Variants in THRB observed in about 807,000 individuals in gnomAD.
The protein encoded by THRB is nuclear receptor subfamily 1 group A member 2.
Under a neutral mutation model 47.8 loss-of-function variants are expected in THRB, and 12 were observed. The observed-to-expected ratio is 0.25, with a 90% CI of 0.16 to 0.41. THRB has a LOEUF of 0.41. Among genes scored for constraint, THRB ranks in the 10% least tolerant of loss-of-function variants. The probability of loss-of-function intolerance (pLI) is 1.00; values close to 1 mark genes in which losing one functional copy is unlikely to be tolerated. For synonymous variants in THRB, 218 were observed against 212.2 expected (o/e 1.03, Z -0.24); for missense variants, 348 against 589.2 (o/e 0.59, Z 4.24).
chr3:24,328,331 A>G (rs1255730825), intron 2 of THRB, among the ~76,000 whole-genome samples: 1 of 152,238 alleles, frequency 6.6e-6, no homozygotes, highest in Non-Finnish European at 1.5e-5. Flanking sequence ...ATATATAAAT[A>G]CAAGTGATTA....
chr3:24,383,299 C>T (rs1443501884), intron 1 of THRB, among the ~76,000 whole-genome samples: 4 of 152,118 alleles, frequency 2.6e-5, no homozygotes, highest in Non-Finnish European at 5.9e-5. Context: ...GTCCATCCCT[C>T]ATCCATTCAT....
intron 2 of THRB, among the ~76,000 whole-genome samples, chr3:24,302,677 C>A (rs1012997908): frequency 6.6e-6 from 1 of 152,214 alleles, no homozygotes; most frequent in African/African-American, 2.4e-5. Context: ...TGCCTGCCAT[C>A]CAGTCCATCG....
intron 2 of THRB, among the ~76,000 whole-genome samples, chr3:24,327,624 G>A (rs1334290587): frequency 2.6e-5 from 4 of 152,144 alleles, no homozygotes; most frequent in Non-Finnish European, 5.9e-5. Flanking sequence ...TATTCTCAAG[G>A]AGCTTACATT....
At chr3:24,370,837 T>C (rs917413834) in intron 1 of THRB, among the ~76,000 whole-genome samples, 2 of 152,160 alleles carry the variant, frequency 1.3e-5, no homozygotes, top group African/African-American at 2.4e-5. Context: ...TTCACTACAA[T>C]GGCATTGCTG....
At chr3:24,159,351 T>C (rs2038396511) in intron 5 of THRB, among the ~76,000 whole-genome samples, 2 of 152,198 alleles carry the variant, frequency 1.3e-5, no homozygotes, top group Admixed American at 6.5e-5. Flanking sequence ...ATAAAAGAGA[T>C]TGATGCTTTC....
At chr3:24,480,229 G>A (rs754402597) in intron 1 of THRB, among the ~76,000 whole-genome samples, 1 of 152,166 alleles carries the variant, frequency 6.6e-6, no homozygotes, top group Non-Finnish European at 1.5e-5. Context: ...TCAGTCTTTT[G>A]AAAGAATATT....
intron 5 of THRB, among the ~76,000 whole-genome samples, chr3:24,168,160 C>T (rs1355807990): frequency 6.6e-6 from 1 of 152,136 alleles, no homozygotes; most frequent in Admixed American, 6.5e-5. Flanking sequence ...GTAACGAATG[C>T]ACAAAACTTT....
At chr3:24,308,829 C>A (rs1198743350) in intron 2 of THRB, among the ~76,000 whole-genome samples, 1 of 152,162 alleles carries the variant, frequency 6.6e-6, no homozygotes, top group East Asian at 1.9e-4. Flanking sequence ...AACTCTTCTT[C>A]ATTTATGGAA....
At chr3:24,240,364 G>C (rs1357921736) in intron 3 of THRB, among the ~76,000 whole-genome samples, 2 of 152,134 alleles carry the variant, frequency 1.3e-5, no homozygotes, top group African/African-American at 4.8e-5. Flanking sequence ...GCGTCAAATG[G>C]GGAGGCTGTG....
intron 3 of THRB, among the ~76,000 whole-genome samples, chr3:24,279,812 C>G (rs1364515932): frequency 6.6e-6 from 1 of 152,198 alleles, no homozygotes; most frequent in Non-Finnish European, 1.5e-5. Context: ...AACCTTATTA[C>G]TCTCCCTTAC....
chr3:24,150,375 TATATTAAGTGA>T (rs1169934450), intron 6 of THRB, among the ~76,000 whole-genome samples: 6 of 152,204 alleles, frequency 3.9e-5, no homozygotes, highest in Non-Finnish European at 7.3e-5. Flanking sequence ...GCTTTGTCAT[TATATTAAGTGA>T]TCCGCACAAG....
At position 24,191,251 on chromosome 3, in the gene THRB, A is replaced by AAT. The variant is rs138175828; in HGVS notation, c.23-919_23-918dup. Reference sequence around the variant, plus strand: ...TATAGAGAGCAAAAATGAGCAAGCTAATATATATATATATACATATTTGTA... The same window carrying AAT: ...TATAGAGAGCAAAAATGAGCAAGCTAATATATATATATATATACATATTTGTA... On this transcript the variant is annotated intron_variant, in intron 4 of 10. Transcript: ENST00000646209. Among the ~76,000 whole-genome samples the AAT allele has an allele frequency of 3.8e-3, 566 of 150,244 alleles. 3 individuals are homozygous for AAT. Among genetic ancestry groups the AAT allele is most frequent in the African/African-American group, 0.011 (449 of 40,930 alleles).
chr3:24,376,736 A>AG (rs2065322749), intron 1 of THRB, among the ~76,000 whole-genome samples: 5 of 152,174 alleles, frequency 3.3e-5, no homozygotes, highest in African/African-American at 1.2e-4. Flanking sequence ...CCAGGCCTCC[A>AG]CTATTTCCAG....
intron 3 of THRB, among the ~76,000 whole-genome samples, chr3:24,278,637 T>C (rs997234150): frequency 3.9e-5 from 6 of 152,164 alleles, no homozygotes; most frequent in African/African-American, 1.4e-4. Flanking sequence ...GACAACAAGA[T>C]TAAAAAAATT....
chr3:24,158,292 T>C lies in THRB; in HGVS notation c.284-5802A>G, dbSNP rs1378423722. Among the ~76,000 whole-genome samples, 8 of 152,316 alleles carry C rather than the reference T, an allele frequency of 5.3e-5. No homozygotes were observed. The South Asian group carries it at 1.0e-3, about 20-fold the overall frequency. ...GCTCCACAGTCAGAACCTCTCCTGA[T>C]TGTGTGCATCAGTTGCTATTTATTT... On this transcript the variant is annotated intron_variant, in intron 5 of 10. Transcript: ENST00000646209.
intron 1 of THRB, among the ~76,000 whole-genome samples, chr3:24,448,285 T>C (rs1038282933): frequency 5.3e-5 from 8 of 152,124 alleles, no homozygotes; most frequent in African/African-American, 1.9e-4. Flanking sequence ...CATAATCACA[T>C]AGAAACGCAA....
Position 24,441,263 on chromosome 3 carries a change from G to A in THRB, c.-261+53389C>T, listed in dbSNP as rs1577588777. 2.0e-5 allele frequency among the ~76,000 whole-genome samples: 3 copies of A among 152,254 alleles called. No homozygotes were observed. The Middle Eastern group carries it at 0.01, about 518-fold the overall frequency. ...GTCCTATACTAAGTAAAGCAGTCAA[G>A]GGCGTGATTATCATATTCACAGGTC... On this transcript the variant is annotated intron_variant, in intron 1 of 10. Transcript: ENST00000646209.
At chr3:24,142,592 A>T (rs891713142) in intron 8 of THRB, among the ~76,000 whole-genome samples, 1 of 152,250 alleles carries the variant, frequency 6.6e-6, no homozygotes, top group African/African-American at 2.4e-5. Flanking sequence ...AAACCACAGA[A>T]TATCTGTTGT....
intron 1 of THRB, among the ~76,000 whole-genome samples, chr3:24,488,074 T>C (rs1697571907): frequency 6.6e-6 from 1 of 152,214 alleles, no homozygotes; most frequent in Non-Finnish European, 1.5e-5. Context: ...GACTATCTTG[T>C]CAACATTCCT....
Sources: allele counts gnomAD v4.1 joint callset (sites outside exome capture counted in the v4.1 genomes callset), GRCh38; gene constraint gnomAD v4.1.1; transcripts MANE v1.5; gene names NCBI Gene and HGNC (gene_info 2026-07-23, HGNC 2026-07-21).